Variants in DAAM1 observed in about 807,000 individuals in gnomAD.
DAAM1 encodes the protein dishevelled associated activator of morphogenesis 1.
A neutral mutation model predicts 130.0 loss-of-function variants in DAAM1; 52 were observed. The ratio of observed to expected loss-of-function variants is 0.40; its 90% CI spans 0.32 to 0.50. The LOEUF (loss-of-function observed/expected upper bound fraction) is 0.50, where lower values mean the gene tolerates loss of function less well. DAAM1 is among the 20% of genes least tolerant of loss of function. The probability of loss-of-function intolerance (pLI) is 0.61; values close to 1 mark genes in which losing one functional copy is unlikely to be tolerated. For missense variants in DAAM1, 1,134 were observed against 1,303.8 expected (o/e 0.87, Z 2.01); for synonymous variants, 452 against 444.5 (o/e 1.02, Z -0.21).
chr14:59,361,417 G>C (rs562926048), intron 22 of DAAM1, among the ~76,000 whole-genome samples: 1 of 152,162 alleles, frequency 6.6e-6, no homozygotes, highest in Non-Finnish European at 1.5e-5. Context: ...GAGTGATTAC[G>C]GAGGTGCCTT....
At chr14:59,205,062 T>C (rs1236386219) in intron 1 of DAAM1, among the ~76,000 whole-genome samples, 1 of 152,248 alleles carries the variant, frequency 6.6e-6, no homozygotes, top group Non-Finnish European at 1.5e-5. Flanking sequence ...TTCCTACTCA[T>C]ATACATAGAG....
At chr14:59,206,090 G>C (rs569365656) in intron 1 of DAAM1, among the ~76,000 whole-genome samples, 1 of 151,980 alleles carries the variant, frequency 6.6e-6, no homozygotes, top group South Asian at 2.1e-4. Flanking sequence ...CTGGGCTCAA[G>C]CAATTCTCCC....
At chr14:59,260,686 T>G (rs1229422554) in intron 1 of DAAM1, among the ~76,000 whole-genome samples, 1 of 152,214 alleles carries the variant, frequency 6.6e-6, no homozygotes, top group Non-Finnish European at 1.5e-5. Context: ...CTCTGAATAT[T>G]TCCTAAGCAT....
At chr14:59,257,732 TC>T (rs1357437065) in intron 1 of DAAM1, among the ~76,000 whole-genome samples, 1 of 152,126 alleles carries the variant, frequency 6.6e-6, no homozygotes, top group Non-Finnish European at 1.5e-5. Context: ...TTCAGCCTCT[TC>T]CTTCCTAGCA....
chr14:59,288,527 C>T (rs1314478579), intron 2 of DAAM1, among the ~76,000 whole-genome samples: 5 of 152,108 alleles, frequency 3.3e-5, no homozygotes, highest in Non-Finnish European at 7.4e-5. Context: ...TGACAAAGGT[C>T]TAATATCCAG....
chr14:59,283,118 C>G (rs1183442102), intron 2 of DAAM1, among the ~76,000 whole-genome samples: 1 of 152,142 alleles, frequency 6.6e-6, no homozygotes, highest in East Asian at 1.9e-4. Context: ...TTCTTCACAC[C>G]TCTGCTCAGT....
chr14:59,340,012 G>A, intron 15 of DAAM1, 62 bp from the exon 16 acceptor site: 1 of 1,425,460 alleles, frequency 7.0e-7, no homozygotes, highest in South Asian at 1.2e-5. Context: ...AAAGGAAAGT[G>A]TGTATCTGAA....
chr14:59,332,940 G>A (rs1885498479), intron 15 of DAAM1, among the ~76,000 whole-genome samples: 2 of 152,036 alleles, frequency 1.3e-5, no homozygotes, highest in African/African-American at 4.8e-5. Context: ...ATCATGGGTG[G>A]AGCATCCTTA....
At chr14:59,224,689 A>C (rs1275449727) in intron 1 of DAAM1, among the ~76,000 whole-genome samples, 1 of 152,254 alleles carries the variant, frequency 6.6e-6, no homozygotes, top group African/African-American at 2.4e-5. Context: ...TGTATTTTGC[A>C]CGTGAGAAAA....
chr14:59,215,043 T>C (rs1394446415), intron 1 of DAAM1, among the ~76,000 whole-genome samples: 1 of 152,208 alleles, frequency 6.6e-6, no homozygotes, highest in South Asian at 2.1e-4. Flanking sequence ...ATGTTTCCTC[T>C]TGTCTTCATA....
intron 3 of DAAM1, among the ~76,000 whole-genome samples, chr14:59,314,260 C>T (rs141585659): frequency 3.9e-5 from 6 of 152,298 alleles, no homozygotes; most frequent in Non-Finnish European, 8.8e-5. Context: ...GCTGTGTGTA[C>T]ATGGCATAAC....
intron 1 of DAAM1, among the ~76,000 whole-genome samples, chr14:59,251,447 T>C (rs911039898): frequency 3.3e-5 from 5 of 151,946 alleles, no homozygotes; most frequent in African/African-American, 1.2e-4. Context: ...TTTTTTTTTT[T>C]TTTCCTTTAA....
Position 59,283,308 on chromosome 14 carries a change from G to A in DAAM1, c.184-7909G>A, listed in dbSNP as rs564296522. Among the ~76,000 whole-genome samples, 10 of 152,258 alleles carry A rather than the reference G, an allele frequency of 6.6e-5. No individual in the cohort carries two copies. The South Asian group carries it at 2.1e-3, about 32-fold the overall frequency. Reference sequence around the variant, plus strand: ...TATTTTCCCATTCATCAATAGTTAAGTGCAGGTATGAATAACAGGAAATTA... The same window carrying A: ...TATTTTCCCATTCATCAATAGTTAAATGCAGGTATGAATAACAGGAAATTA... On this transcript the variant is annotated intron_variant, in intron 2 of 24. Coordinates refer to ENST00000360909, the MANE Select transcript of DAAM1 (RefSeq NM_001270520.2).
At chr14:59,238,974 A>T (rs1889394469) in intron 1 of DAAM1, among the ~76,000 whole-genome samples, 1 of 152,202 alleles carries the variant, frequency 6.6e-6, no homozygotes, top group South Asian at 2.1e-4. Context: ...CGAAAAAAGG[A>T]CAGCATGAAT....
chr14:59,219,713 A>G (rs1223431516), intron 1 of DAAM1, among the ~76,000 whole-genome samples: 1 of 152,208 alleles, frequency 6.6e-6, no homozygotes, highest in African/African-American at 2.4e-5. Flanking sequence ...CATAAACATC[A>G]TATAAACATG....
At chr14:59,219,049 A>T (rs1888682583) in intron 1 of DAAM1, among the ~76,000 whole-genome samples, 1 of 152,172 alleles carries the variant, frequency 6.6e-6, no homozygotes, top group Admixed American at 6.5e-5. Context: ...TTTCTAGTTT[A>T]TGTGAGCATT....
chr14:59,205,350 A>G (rs999815369), intron 1 of DAAM1, among the ~76,000 whole-genome samples: 19 of 152,228 alleles, frequency 1.2e-4, no homozygotes, highest in African/African-American at 3.6e-4. Context: ...GGTTTTCCAG[A>G]TTCCTATTAT....
At position 59,363,641 on chromosome 14, in the gene DAAM1, T is replaced by C; in HGVS notation, c.2695-10T>C. ...GCCTGCATTGACATTATTCATTTCC[T>C]GTGTTTAAGGAGCTGGAATATCAGA... On this transcript the variant is annotated splice_polypyrimidine_tract_variant and intron_variant, in intron 22 of 24. Coordinates refer to ENST00000360909, the MANE Select transcript of DAAM1 (RefSeq NM_001270520.2). The C allele has an allele frequency of 6.2e-7, 1 of 1,614,032 alleles. No individual in the cohort carries two copies. The highest frequency in any genetic ancestry group is 8.5e-7 in the Non-Finnish European group (1 of 1,179,914).
intron 17 of DAAM1, among the ~76,000 whole-genome samples, chr14:59,348,275 TTATCCATGACC>T: frequency 6.6e-6 from 1 of 152,366 alleles, no homozygotes; most frequent in Non-Finnish European, 1.5e-5. Context: ...ATAATTTTTA[TTATCCATGACC>T]AAGCAGCCAG....
Sources: allele counts gnomAD v4.1 joint callset (sites outside exome capture counted in the v4.1 genomes callset), GRCh38; gene constraint gnomAD v4.1.1; transcripts MANE v1.5; gene names NCBI Gene and HGNC (gene_info 2026-07-23, HGNC 2026-07-21).